The following MSS51 variants were observed in gnomAD, a reference collection of about 807,000 sequenced individuals.
MSS51 encodes the protein MSS51 mitochondrial translational activator.
Under a neutral mutation model 40.2 loss-of-function variants are expected in MSS51, and 32 were observed. The ratio of observed to expected loss-of-function variants is 0.80; its 90% CI spans 0.60 to 1.07. The LOEUF (loss-of-function observed/expected upper bound fraction) is 1.07. Among genes scored for constraint, MSS51 ranks in the 50% least tolerant of loss-of-function variants. MSS51 has a pLI of 0.00. For synonymous variants in MSS51, 178 were observed against 214.2 expected, an observed-to-expected ratio of 0.83 and a Z score of 1.48; for missense variants, 518 against 568.9, an observed-to-expected ratio of 0.91 and a Z score of 0.91.
Position 73,426,693 on chromosome 10 carries a change from T to G in MSS51, c.416A>C (p.Lys139Thr). Residue 139 changes from lysine (K) to threonine (T), a missense_variant, in exon 4 of 7, where the codon AAG becomes ACG. Coordinates refer to ENST00000299432, the MANE Select transcript of MSS51 (RefSeq NM_001024593.2). ...CCTCCTGTGTGCGGGCCAGTCTGAC[T>G]TCTGGCACTCTGGACCACAGTAATA... is the stretch of plus-strand genomic sequence containing the variant. ...NVYYCGPECQ[K>T]SDWPAHRRVC... The G allele has an allele frequency of 6.2e-7, 1 of 1,614,204 alleles. No homozygotes were observed. Among genetic ancestry groups the G allele is most frequent in the Non-Finnish European group, 8.5e-7 (1 of 1,180,028 alleles).
rs759433616 is a variant in MSS51 at position 73,425,890 on chromosome 10, G to T, written c.990C>A (p.Gly330=). 4.3e-6 allele frequency: 7 copies of T among 1,614,164 alleles called. No individual in the cohort carries two copies. In the South Asian group the frequency reaches 7.7e-5, roughly 18 times the overall value. Residue 330 remains glycine, a synonymous_variant, in exon 5 of 7, where the codon GGC becomes GGA. Coordinates refer to ENST00000299432, the MANE Select transcript of MSS51 (RefSeq NM_001024593.2). ...PGTIQLSAHR[G]LYHDFWEEQV... is the part of the protein sequence containing the mutation. ...GCTCCTCCCAGAAGTCATGGTAGAG[G>T]CCCCTGTGGGCACTAAGCTGAATTG... is the stretch of plus-strand genomic sequence containing the variant.
intron 1 of MSS51, 90 bp from the exon 2 acceptor site, chr10:73,428,391 C>T (rs1285484153): frequency 3.0e-6 from 3 of 1,005,348 alleles, no homozygotes; most frequent in Admixed American, 2.9e-5. Context: ...TTTCATTTCT[C>T]ATTCCAGTCT....
chr10:73,427,225 C>A (rs1247319027), intron 3 of MSS51, among the ~76,000 whole-genome samples: 1 of 148,232 alleles, frequency 6.7e-6, no homozygotes, highest in Non-Finnish European at 1.5e-5. Flanking sequence ...ATTTTGAAAA[C>A]TTTCAGATCT....
intron 2 of MSS51, 110 bp downstream of exon 2, chr10:73,427,954 T>A: frequency 8.2e-7 from 1 of 1,217,790 alleles, no homozygotes; most frequent in Non-Finnish European, 1.1e-6. Flanking sequence ...GATGAGAAAA[T>A]CTCTTATTGC....
rs61738877 is a variant in MSS51, at chr10:73,424,565, G to A, written c.1371C>T (p.Asp457=). 0.012 allele frequency: 19,852 copies of A among 1,612,862 alleles called. 1,135 individuals are homozygous for A. The African/African-American group carries it at 0.17, about 13-fold the overall frequency. ...LDNRQLEEKV[D]GGI is the part of the protein sequence containing the mutation. ...AGTTATGATCTATTTAAATCCCGCC[G>A]TCCACTTTCTCTTCTAATTGCCTAT... The change falls in exon 7 of 7, where the codon GAC becomes GAT. Residue 457 remains aspartate, a synonymous_variant. Coordinates refer to ENST00000299432, the MANE Select transcript of MSS51 (RefSeq NM_001024593.2).
intron 4 of MSS51, 85 bp downstream of exon 4, chr10:73,426,522 T>C: frequency 2.5e-6 from 4 of 1,599,626 alleles, no homozygotes; most frequent in Non-Finnish European, 3.4e-6. Flanking sequence ...TCCTCATTTT[T>C]TCATAACAAT....
intron 6 of MSS51, 30 bp downstream of exon 6, chr10:73,425,068 G>A (rs186641506): frequency 4.7e-5 from 71 of 1,513,040 alleles, no homozygotes; most frequent in African/African-American, 4.7e-4. Flanking sequence ...TAAAGTCAGG[G>A]AAGTATCACA....
intron 1 of MSS51, among the ~76,000 whole-genome samples, chr10:73,432,931 G>A (rs1230904471): frequency 6.6e-6 from 1 of 152,172 alleles, no homozygotes; most frequent in African/African-American, 2.4e-5. Context: ...CACAGGAGAA[G>A]CTGGAAAGAA....
chr10:73,429,786 T>C lies in MSS51; in HGVS notation c.-17-1485A>G, dbSNP rs16930595. ...AGATGAAATCATTTGCGAAACACTA[T>C]ATATAGAAGCAAATATGAGAAATAT... is the stretch of plus-strand genomic sequence containing the variant. On this transcript the variant is annotated intron_variant, in intron 1 of 6. Coordinates refer to ENST00000299432, the MANE Select transcript of MSS51 (RefSeq NM_001024593.2). The C allele has an allele frequency of 2.7e-3, 1,162 of 422,860 alleles. 14 individuals carry two copies. Among genetic ancestry groups the C allele is most frequent in the African/African-American group, 0.022 (1,056 of 48,648 alleles). The allele number at this position is 422,860 out of a possible 1,614,324, so 26.2% of individuals were successfully genotyped here.
intron 5 of MSS51, among the ~76,000 whole-genome samples, chr10:73,425,400 C>T (rs2055975121): frequency 6.6e-6 from 1 of 152,028 alleles, no homozygotes; most frequent in African/African-American, 2.4e-5. Context: ...TCAGGCTGGG[C>T]GCGGTGGCTC....
In MSS51 at chr10:73,424,583, T is replaced by C. The variant is rs2132719592; in HGVS notation, c.1353A>G (p.Gln451=). The change falls in exon 7 of 7, where the codon CAA becomes CAG. Residue 451 remains glutamine (Q), a synonymous_variant. Coordinates refer to ENST00000299432, the MANE Select transcript of MSS51 (RefSeq NM_001024593.2). Reference sequence around the variant, plus strand: ...TCCCGCCGTCCACTTTCTCTTCTAATTGCCTATTATCCAGCTGACAGGAGC... The same window carrying C: ...TCCCGCCGTCCACTTTCTCTTCTAACTGCCTATTATCCAGCTGACAGGAGC... ...LGSSCQLDNR[Q]LEEKVDGGI is the part of the protein sequence containing the mutation. 7 of 1,614,088 alleles carry C rather than the reference T, an allele frequency of 4.3e-6. No homozygotes were observed. Among genetic ancestry groups the C allele is most frequent in the Non-Finnish European group, 5.9e-6 (7 of 1,179,934 alleles).
At chr10:73,429,484 C>A in intron 1 of MSS51, 1 of 378,356 alleles carries the variant, frequency 2.6e-6, no homozygotes, top group Non-Finnish European at 5.3e-6. Flanking sequence ...GACCTATTAT[C>A]ACATGTATAA....
intron 5 of MSS51, among the ~76,000 whole-genome samples, chr10:73,425,479 C>T (rs1388475080): frequency 1.3e-5 from 2 of 151,622 alleles, no homozygotes; most frequent in Admixed American, 6.6e-5. Flanking sequence ...TCGAGATCAT[C>T]GTGGCTAACA....
At chr10:73,432,131 C>T (rs550440006) in intron 1 of MSS51, among the ~76,000 whole-genome samples, 370 of 152,250 alleles carry the variant, frequency 2.4e-3, no homozygotes, top group Non-Finnish European at 3.9e-3. Flanking sequence ...CTCCACCTCC[C>T]GGGTTCAAGT....
intron 1 of MSS51, among the ~76,000 whole-genome samples, chr10:73,432,418 C>T (rs2056035604): frequency 6.6e-6 from 1 of 151,964 alleles, no homozygotes; most frequent in South Asian, 2.1e-4. Flanking sequence ...TTTGAGACAA[C>T]TCTAGGGTCT....
At chr10:73,430,063 A>C (rs1296885202) in intron 1 of MSS51, among the ~76,000 whole-genome samples, 1 of 152,228 alleles carries the variant, frequency 6.6e-6, no homozygotes, top group Non-Finnish European at 1.5e-5. Flanking sequence ...ATAAACACAG[A>C]AATATAGACA....
rs1167737457 is a variant in MSS51 at position 73,425,995 on chromosome 10, TCCAA to T, written c.881_884del (p.Leu294HisfsTer9). On this transcript the variant is annotated frameshift_variant, in exon 5 of 7. Transcript: ENST00000299432. LOFTEE classifies it high-confidence loss of function. ...CTACACCCACCATGACCACACGGAG[TCCAA>T]GGTGCCCAGGAAACATGTAACCAAG... is the stretch of plus-strand genomic sequence containing the variant. The T allele has an allele frequency of 5.6e-6, 9 of 1,613,812 alleles. No individual in the cohort carries two copies. The highest frequency in any genetic ancestry group is 1.3e-5 in the African/African-American group (1 of 74,812).
chr10:73,427,974 A>G (rs574098544), intron 2 of MSS51, 90 bp downstream of exon 2: 9 of 1,294,656 alleles, frequency 7.0e-6, no homozygotes, highest in African/African-American at 5.9e-5. Flanking sequence ...CAAATACTCC[A>G]TATTCACCAA....
At chr10:73,429,733 T>C in intron 1 of MSS51, 1 of 455,590 alleles carries the variant, frequency 2.2e-6, no homozygotes, top group South Asian at 1.6e-5. Flanking sequence ...AAAATGTCCA[T>C]TCATGTAATA....
Sources: allele counts gnomAD v4.1 joint callset (sites outside exome capture counted in the v4.1 genomes callset), GRCh38; gene constraint gnomAD v4.1.1; transcripts MANE v1.5; gene names NCBI Gene and HGNC (gene_info 2026-07-23, HGNC 2026-07-21).